Variants in SPATA31F1 observed in about 807,000 individuals in gnomAD.
The protein encoded by SPATA31F1 is protein SPATA31F1.
the SPATA31F1 span, chr9:34,723,646 G>T: frequency 3.2e-6 from 5 of 1,551,646 alleles, no homozygotes; most frequent in South Asian, 3.6e-5. Context: ...TTTGAGCATG[G>T]ACTGGCATCA....
At chr9:34,728,542 C>A in the SPATA31F1 span, 1 of 1,490,648 alleles carries the variant, frequency 6.7e-7, no homozygotes. Flanking sequence ...CCAGAGGTCA[C>A]AGAGGGACAG....
chr9:34,724,008 G>T, the SPATA31F1 span: 1 of 1,548,262 alleles, frequency 6.5e-7, no homozygotes, highest in East Asian at 2.5e-5. Context: ...TCTTCAGCAG[G>T]GCGTCTCTCT....
At chr9:34,723,521 G>A in the SPATA31F1 span, 26 of 1,551,694 alleles carry the variant, frequency 1.7e-5, no homozygotes, top group South Asian at 1.8e-4. Flanking sequence ...GGCCACCTTC[G>A]CAGCGGCTGA....
chr9:34,723,732 G>A, the SPATA31F1 span: 1 of 1,551,716 alleles, frequency 6.4e-7, no homozygotes, highest in Non-Finnish European at 8.7e-7. Context: ...CTCAGGAAAG[G>A]CTGACCCTGT....
At chr9:34,723,643 A>G in the SPATA31F1 span, 1 of 1,551,716 alleles carries the variant, frequency 6.4e-7, no homozygotes, top group African/African-American at 1.4e-5. Context: ...TCTTTTGAGC[A>G]TGGACTGGCA....
chr9:34,728,091 C>T, the SPATA31F1 span: 181 of 1,551,646 alleles, frequency 1.2e-4, no homozygotes, highest in East Asian at 1.4e-3. Context: ...AGCTGAGGAA[C>T]GGGGAGACAG....
At chr9:34,725,781 A>C in the SPATA31F1 span, 1 of 1,548,664 alleles carries the variant, frequency 6.5e-7, no homozygotes, top group Non-Finnish European at 8.7e-7. Flanking sequence ...GGTGGGGCTG[A>C]CTGGGGTGAA....
chr9:34,727,074 C>T, the SPATA31F1 span: 1 of 1,475,302 alleles, frequency 6.8e-7, no homozygotes, highest in Non-Finnish European at 9.0e-7. Flanking sequence ...ACTCTCCTTT[C>T]CCAGTCCTGA....
At chr9:34,727,833 C>T in the SPATA31F1 span, among the ~76,000 whole-genome samples, 1 of 152,138 alleles carries the variant, frequency 6.6e-6, no homozygotes, top group African/African-American at 2.4e-5. Context: ...CTGAACTGGG[C>T]AGCTCATCTC....
At chr9:34,724,032 A>T in the SPATA31F1 span, 13 of 1,538,402 alleles carry the variant, frequency 8.5e-6, no homozygotes, top group African/African-American at 1.8e-4. Flanking sequence ...CTGGTTGAGG[A>T]GCGCCCAAAC....
At chr9:34,723,855 G>A in the SPATA31F1 span, 1 of 1,551,678 alleles carries the variant, frequency 6.4e-7, no homozygotes, top group South Asian at 1.2e-5. Context: ...TTCTCCCCAG[G>A]GACTCGTGGA....
the SPATA31F1 span, chr9:34,724,341 T>G: frequency 6.4e-7 from 1 of 1,551,226 alleles, no homozygotes; most frequent in South Asian, 1.2e-5. Context: ...TTCAAGTCAT[T>G]GGCCAGCTGT....
chr9:34,727,914 G>A, the SPATA31F1 span: 1 of 1,029,960 alleles, frequency 9.7e-7, no homozygotes, highest in Non-Finnish European at 1.4e-6. Flanking sequence ...CACTGTGTAT[G>A]TCTCCCTCCC....
At chr9:34,728,678 T>G in the SPATA31F1 span, 1 of 1,550,646 alleles carries the variant, frequency 6.4e-7, no homozygotes, top group Non-Finnish European at 8.7e-7. Flanking sequence ...AACATTAGAA[T>G]GTGAAGCTGG....
At chr9:34,723,785 G>A in the SPATA31F1 span, 15 of 1,551,710 alleles carry the variant, frequency 9.7e-6, no homozygotes, top group Non-Finnish European at 1.2e-5. Context: ...AGGAATTGTC[G>A]CTGGTTCAAG....
At chr9:34,724,737 A>G in the SPATA31F1 span, 8 of 1,551,532 alleles carry the variant, frequency 5.2e-6, no homozygotes, top group Non-Finnish European at 7.0e-6. Flanking sequence ...AGACTTATAC[A>G]CTGTTCTTCA....
the SPATA31F1 span, chr9:34,728,728 T>C: frequency 7.4e-7 from 1 of 1,358,016 alleles, no homozygotes; most frequent in Admixed American, 2.0e-5. Context: ...GAGACAAAAC[T>C]TACATACATT....
the SPATA31F1 span, chr9:34,725,128 A>T: frequency 1.3e-6 from 2 of 1,549,318 alleles, no homozygotes; most frequent in Non-Finnish European, 1.7e-6. Flanking sequence ...GGACCCCAGA[A>T]ATTCTGCAGT....
chr9:34,723,627 T>A, the SPATA31F1 span: 1 of 1,551,652 alleles, frequency 6.4e-7, no homozygotes, highest in African/African-American at 1.4e-5. Context: ...TCTGTAAGGC[T>A]GGGCTTCTTT....
Sources: allele counts gnomAD v4.1 joint callset (sites outside exome capture counted in the v4.1 genomes callset), GRCh38; gene constraint gnomAD v4.1.1; transcripts MANE v1.5; gene names NCBI Gene and HGNC (gene_info 2026-07-23, HGNC 2026-07-21).